Variants in RUVBL2 observed in about 807,000 individuals in gnomAD.
RUVBL2 encodes the protein RuvB like AAA ATPase 2, also known as ruvB-like 2.
Under a neutral mutation model 57.9 loss-of-function variants are expected in RUVBL2, and 9 were observed. The ratio of observed to expected loss-of-function variants is 0.16; its 90% confidence interval spans 0.09 to 0.27. The LOEUF (loss-of-function observed/expected upper bound fraction) is 0.27, where lower values mean the gene tolerates loss of function less well. Among genes scored for constraint, RUVBL2 ranks in the 10% least tolerant of loss-of-function variants. The probability of loss-of-function intolerance (pLI) is 1.00; values close to 1 mark genes in which losing one functional copy is unlikely to be tolerated. For synonymous variants in RUVBL2, 278 were observed against 264.6 expected (o/e 1.05, Z -0.49); for missense variants, 456 against 669.6 (o/e 0.68, Z 3.52).
intron 6 of RUVBL2, among the ~76,000 whole-genome samples, chr19:49,008,009 T>C (rs1395788362): frequency 1.8e-5 from 2 of 112,124 alleles, no homozygotes; most frequent in African/African-American, 3.5e-5. Context: ...ACCTGGCCTC[T>C]TTTTTTTTTT....
intron 6 of RUVBL2, 88 bp from the exon 7 acceptor site, chr19:49,009,688 C>T (rs2039366458): frequency 3.5e-6 from 4 of 1,142,942 alleles, no homozygotes; most frequent in South Asian, 1.3e-5. Context: ...GAGGCCAGAG[C>T]AGAGCCAGAA....
At chr19:49,012,015 G>A (rs969775615) in intron 11 of RUVBL2, among the ~76,000 whole-genome samples, 23 of 152,098 alleles carry the variant, frequency 1.5e-4, no homozygotes, top group Admixed American at 7.9e-4. Context: ...ATTTTGGCCC[G>A]CAGGAAGCAG....
chr19:49,003,156 A>C (rs538347491), intron 2 of RUVBL2, 123 bp from the exon 3 acceptor site: 2 of 807,422 alleles, frequency 2.5e-6, no homozygotes, highest in South Asian at 1.4e-5. Flanking sequence ...TCATTCCCCC[A>C]ACCCCTGCTC....
At chr19:49,015,235 T>G in intron 13 of RUVBL2, 85 bp downstream of exon 13, 1 of 1,527,492 alleles carries the variant, frequency 6.5e-7, no homozygotes, top group South Asian at 1.2e-5. Flanking sequence ...TCCGATTTCA[T>G]CCTAGAATGT....
At chr19:49,014,973 C>T in intron 12 of RUVBL2, 48 bp from the exon 13 acceptor site, 1 of 1,560,514 alleles carries the variant, frequency 6.4e-7, no homozygotes, top group Non-Finnish European at 8.7e-7. Context: ...CTGCTGCAGT[C>T]AGAGGCTGGG....
At chr19:49,000,279 G>A (rs2039152616) in intron 2 of RUVBL2, among the ~76,000 whole-genome samples, 1 of 152,276 alleles carries the variant, frequency 6.6e-6, no homozygotes, top group Non-Finnish European at 1.5e-5. Flanking sequence ...GGGGCACTGG[G>A]TGCAGTGGCT....
At position 49,003,304 on chromosome 19, in the gene RUVBL2, G is replaced by T. The variant is rs769643920; in HGVS notation, c.93G>T (p.Leu31=). 2.2e-5 allele frequency: 36 copies of T among 1,613,970 alleles called. 1 individual carries two copies. Among genetic ancestry groups the T allele is most frequent in the Middle Eastern group, 1.7e-4 (1 of 6,050 alleles). The change falls in exon 3 of 15, where the codon CTG becomes CTT. Residue 31 remains leucine (L), a synonymous_variant. Transcript: ENST00000595090. ...GTGCCCACTCCCACATCCGGGGACT[G>T]GGGCTGGACGATGCCTTGGAGCCTC... The part of the protein sequence containing the change: ...RIGAHSHIRG[L]GLDDALEPRQ...
In RUVBL2 at chr19:49,010,565, C is replaced by G; in HGVS notation, c.741C>G (p.Ile247Met). The change falls in exon 9 of 15, where the codon ATC becomes ATG. Residue 247 changes from isoleucine (I) to methionine (M), a missense_variant. By Grantham distance (10) the Ile-to-Met change is conservative. This residue lies in a region of RUVBL2 where 130 missense variants were observed against 243.0 expected (regional missense o/e 0.53). Transcript: ENST00000595090. ...TGCACACCGTGTCCCTGCACGAGATCGACGTCATCAACTCTCGCACCCAGG... is the reference window on the plus strand; with the variant it reads ...TGCACACCGTGTCCCTGCACGAGATGGACGTCATCAACTCTCGCACCCAGG... ...EVVHTVSLHE[I>M]DVINSRTQGF... is the part of the protein sequence containing the mutation. 6.3e-7 allele frequency: 1 copy of G among 1,588,650 alleles called. No individual in the cohort carries two copies. The highest frequency in any genetic ancestry group is 1.1e-5 in the South Asian group (1 of 90,722).
At chr19:48,995,941 C>T (rs908311625) in intron 1 of RUVBL2, among the ~76,000 whole-genome samples, 5 of 149,694 alleles carry the variant, frequency 3.3e-5, no homozygotes, top group Admixed American at 2.0e-4. Flanking sequence ...GAGCCGAGAT[C>T]GCGCCACTGC....
In RUVBL2 at chr19:49,010,055, A is replaced by C; in HGVS notation, c.652A>C (p.Met218Leu). The C allele has an allele frequency of 6.2e-7, 1 of 1,601,902 alleles. No individual in the cohort carries two copies. Among genetic ancestry groups the C allele is most frequent in the Non-Finnish European group, 8.5e-7 (1 of 1,174,792 alleles). The change falls in exon 8 of 15, where the codon ATG becomes CTG. Residue 218 changes from methionine (M) to leucine (L), a missense_variant. By Grantham distance (15) the Met-to-Leu change is conservative. Around this residue, in one of 5 missense-constraint regions of RUVBL2, gnomAD observed 233 missense variants for 306.0 expected, o/e 0.76. Coordinates refer to ENST00000595090, the MANE Select transcript of RUVBL2 (RefSeq NM_006666.3). The stretch of plus-strand genomic sequence containing the variant: ...CACACGCGCCCGCGACTACGACGCT[A>C]TGGGCTCCCAGGTGCGGCCGGGACT... ...SFTRARDYDA[M>L]GSQTKFVQCP...
intron 6 of RUVBL2, among the ~76,000 whole-genome samples, chr19:49,007,931 A>T (rs1048908618): frequency 1.4e-5 from 2 of 144,922 alleles, no homozygotes; most frequent in Admixed American, 6.9e-5. Context: ...CTGGTCTTGA[A>T]CTCCTGACCT....
chr19:49,005,540 G>A (rs1168988965), intron 4 of RUVBL2, among the ~76,000 whole-genome samples: 1 of 152,202 alleles, frequency 6.6e-6, no homozygotes, highest in Non-Finnish European at 1.5e-5. Flanking sequence ...ATGGCCAGGA[G>A]GCTCCTGGGC....
chr19:48,999,044 CAG>C (rs1034972423), intron 1 of RUVBL2, among the ~76,000 whole-genome samples: 11 of 151,396 alleles, frequency 7.3e-5, no homozygotes, highest in East Asian at 3.9e-4. Flanking sequence ...AAAAAAGAAA[CAG>C]GGAGGATTTC....
chr19:49,002,897 C>CT (rs1049964808), intron 2 of RUVBL2, among the ~76,000 whole-genome samples: 13 of 152,026 alleles, frequency 8.6e-5, no homozygotes, highest in Non-Finnish European at 1.6e-4. Context: ...AGCCAGGGCT[C>CT]TTTTTTTGCA....
intron 6 of RUVBL2, among the ~76,000 whole-genome samples, 161 bp from the exon 7 acceptor site, chr19:49,009,615 C>A (rs150254175): frequency 6.6e-6 from 1 of 152,182 alleles, no homozygotes; most frequent in Admixed American, 6.5e-5. Context: ...GGCTGGTGAG[C>A]GCACCGTATG....
rs1019620178 is a variant in RUVBL2, at chr19:49,011,625, G to A, written c.1001+315G>A. ...CTGTGGGATGTTTTCTAGTCTTGAGGGAAGCACAGTGACATCTGTTAGACA... is the reference window on the plus strand; with the variant it reads ...CTGTGGGATGTTTTCTAGTCTTGAGAGAAGCACAGTGACATCTGTTAGACA... On this transcript the variant is annotated intron_variant, in intron 11 of 14. Coordinates refer to ENST00000595090, the MANE Select transcript of RUVBL2 (RefSeq NM_006666.3). This position sits in a 1 kb window ranked among gnomAD's most constrained non-coding sequence, Gnocchi z 4.4. Among the ~76,000 whole-genome samples, 1 of 152,214 alleles carries A rather than the reference G, an allele frequency of 6.6e-6. No individual in the cohort carries two copies. The highest frequency in any genetic ancestry group is 1.5e-5 in the Non-Finnish European group (1 of 68,036).
intron 9 of RUVBL2, 143 bp from the exon 10 acceptor site, chr19:49,010,856 G>C: frequency 1.2e-6 from 1 of 867,708 alleles, no homozygotes; most frequent in East Asian, 2.6e-5. Flanking sequence ...CCTCCTCTTT[G>C]GGGATGTTTC....
At chr19:48,996,996 A>G (rs1241839462) in intron 1 of RUVBL2, among the ~76,000 whole-genome samples, 1 of 151,574 alleles carries the variant, frequency 6.6e-6, no homozygotes, top group Non-Finnish European at 1.5e-5. Flanking sequence ...AGCTTTATTG[A>G]GATAGAATTC....
In RUVBL2 at chr19:48,999,323, C is replaced by G; in HGVS notation, c.17C>G (p.Ala6Gly). 1 of 1,614,198 alleles carries G rather than the reference C, an allele frequency of 6.2e-7. No homozygotes were observed. Among genetic ancestry groups the G allele is most frequent in the African/African-American group, 1.3e-5 (1 of 75,044 alleles). MATVT[A>G]TTKVPEIRDV... is the part of the protein sequence containing the mutation. The stretch of plus-strand genomic sequence containing the variant: ...CACATCTTCTTGCACCCCCAGACAG[C>G]CACAACCAAAGTCCCGGAGATCCGT... The change falls in exon 2 of 15, where the codon GCC (alanine) becomes GGC (glycine). Residue 6 changes from alanine (A) to glycine (G), a missense_variant. Physicochemically the swap from Ala to Gly is moderately conservative, Grantham distance 60. Around this residue, in one of 5 missense-constraint regions of RUVBL2, gnomAD observed 22 missense variants for 23.9 expected, o/e 0.92. Transcript: ENST00000595090.
Sources: allele counts gnomAD v4.1 joint callset (sites outside exome capture counted in the v4.1 genomes callset), GRCh38; gene constraint gnomAD v4.1.1; regional missense constraint gnomAD v4.1.1; non-coding constraint Gnocchi (gnomAD v3.1); transcripts MANE v1.5; gene names NCBI Gene and HGNC (gene_info 2026-07-23, HGNC 2026-07-21).